Variants in PRMT2 observed in about 807,000 individuals in gnomAD.
PRMT2 encodes the protein protein arginine methyltransferase 2.
Under a neutral mutation model 57.6 loss-of-function variants are expected in PRMT2, and 26 were observed. That is an observed-to-expected ratio of 0.45 (90% CI 0.33 to 0.63). The LOEUF (loss-of-function observed/expected upper bound fraction) is 0.63, where lower values mean the gene tolerates loss of function less well. Among genes scored for constraint, PRMT2 ranks in the 20% least tolerant of loss-of-function variants. PRMT2 has a pLI of 0.02. For missense variants in PRMT2, 472 were observed against 564.4 expected (o/e 0.84, Z 1.66); for synonymous variants, 219 against 220.0 (o/e 1.00, Z 0.04).
Position 46,648,625 on chromosome 21 carries a change from T to C in PRMT2, c.489+6T>C. On this transcript the variant is annotated splice_donor_region_variant and intron_variant, in intron 6 of 11. Transcript: ENST00000355680. The surrounding 1 kb of genome is among the most constrained non-coding windows in gnomAD (Gnocchi z 4.8). Reference sequence around the variant, plus strand: ...ACTATGCGCGGCCTAGAGCGGTGAGTGGGGTCTCGAGCGCATCCCGGGTGT... The same window carrying C: ...ACTATGCGCGGCCTAGAGCGGTGAGCGGGGTCTCGAGCGCATCCCGGGTGT... 1.2e-6 allele frequency: 2 copies of C among 1,610,706 alleles called. No homozygotes were observed. The highest frequency in any genetic ancestry group is 1.7e-6 in the Non-Finnish European group (2 of 1,177,268).
chr21:46,657,187 G>C (rs1418222682), intron 7 of PRMT2: 1 of 152,142 alleles, frequency 6.6e-6, no homozygotes, highest in Non-Finnish European at 1.5e-5. Flanking sequence ...ATGAGGAACA[G>C]CTGAAAGTCA....
intron 7 of PRMT2, chr21:46,653,383 C>G (rs1415845825): frequency 2.0e-6 from 2 of 985,296 alleles, no homozygotes; most frequent in Non-Finnish European, 2.4e-6. Flanking sequence ...GCTGTTTGCA[C>G]ATATTTATAG....
chr21:46,661,837 C>G lies in PRMT2; in HGVS notation c.998C>G (p.Ala333Gly). Residue 333 changes from alanine (A) to glycine (G), a missense_variant, in exon 10 of 12, where the codon GCG (alanine) becomes GGG (glycine). Ala to Gly is a moderately conservative substitution (Grantham distance 60). Around this residue, in one of 2 missense-constraint regions of PRMT2, gnomAD observed 229 missense variants for 217.2 expected, o/e 1.05. Transcript: ENST00000355680. ...GAGCTGCGCTTCGACATCAGGAAGGCGGGGACCCTGCACGGCTTCACGGCC... is the reference window on the plus strand; with the variant it reads ...GAGCTGCGCTTCGACATCAGGAAGGGGGGGACCCTGCACGGCTTCACGGCC... Reference protein sequence around the residue: ...RGELRFDIRKAGTLHGFTAWF... With the variant: ...RGELRFDIRKGGTLHGFTAWF... The G allele has an allele frequency of 1.3e-6, 2 of 1,504,426 alleles. No homozygotes were observed. Among genetic ancestry groups the G allele is most frequent in the South Asian group, 1.3e-5 (1 of 78,794 alleles). The allele number at this position is 1,504,426 out of a possible 1,614,324, so 93.2% of individuals were successfully genotyped here. A position where few individuals can be genotyped will look rare whatever the true frequency, so the allele number is the denominator to read the frequency against.
chr21:46,654,802 C>A, intron 7 of PRMT2: 2 of 669,120 alleles, frequency 3.0e-6, no homozygotes, highest in Non-Finnish European at 3.7e-6. Flanking sequence ...GGGACTTTAG[C>A]ATCCAAGGAT....
chr21:46,637,338 A>G (rs1315269869), intron 3 of PRMT2, among the ~76,000 whole-genome samples: 1 of 152,230 alleles, frequency 6.6e-6, no homozygotes, highest in African/African-American at 2.4e-5. Flanking sequence ...GGCAAGTTGG[A>G]CACATTAGAA....
At chr21:46,641,116 C>T (rs2061265067) in intron 3 of PRMT2, among the ~76,000 whole-genome samples, 1 of 87,718 alleles carries the variant, frequency 1.1e-5, no homozygotes. Flanking sequence ...AGAGGGTGAC[C>T]TCATCTCAAA....
At chr21:46,650,650 G>A (rs2061435896) in intron 7 of PRMT2, among the ~76,000 whole-genome samples, 1 of 152,238 alleles carries the variant, frequency 6.6e-6, no homozygotes, top group Non-Finnish European at 1.5e-5. Context: ...CATTCAATAA[G>A]TATCTGTTGA....
intron 7 of PRMT2, among the ~76,000 whole-genome samples, chr21:46,655,498 A>G (rs149961314): frequency 1.3e-3 from 199 of 152,334 alleles, no homozygotes; most frequent in African/African-American, 4.7e-3. Flanking sequence ...ACAAAATTCA[A>G]CATCAGTTCA....
In PRMT2 at chr21:46,659,129, A is replaced by C; in HGVS notation, c.830+209A>C. The C allele has an allele frequency of 7.0e-6, 9 of 1,282,316 alleles. No homozygotes were observed. In the South Asian group the frequency reaches 2.3e-4, roughly 33 times the overall value. The allele number at this position is 1,282,316 out of a possible 1,614,324, so 79.4% of individuals were successfully genotyped here. A position where few individuals can be genotyped will look rare whatever the true frequency, so the allele number is the denominator to read the frequency against. ...AGATGGGCAGAGCAGGGTAGAATGC[A>C]AGGAACAAAAATTTTCGTATGTGAA... On this transcript the variant is annotated intron_variant, in intron 8 of 11. Transcript: ENST00000355680.
chr21:46,662,811 C>T (rs1379098560), intron 10 of PRMT2, among the ~76,000 whole-genome samples: 2 of 152,200 alleles, frequency 1.3e-5, no homozygotes, highest in African/African-American at 4.8e-5. Flanking sequence ...TAGCGTTTTA[C>T]TATTTCCCCC....
intron 7 of PRMT2, chr21:46,653,629 T>C (rs1325698472): frequency 1.7e-6 from 2 of 1,198,672 alleles, no homozygotes; most frequent in Non-Finnish European, 2.1e-6. Context: ...TCATGTTTTA[T>C]GCCTTGATAT....
In PRMT2 at chr21:46,639,201, A is replaced by C. The variant is rs143845481; in HGVS notation, c.39+2211A>C. ...TTTGCTTTGATTACATTGGTTAGAG[A>C]ACATAACATCCTCTATAATTTCAGT... is the stretch of plus-strand genomic sequence containing the variant. On this transcript the variant is annotated intron_variant, in intron 3 of 11. Coordinates refer to ENST00000355680, the MANE Select transcript of PRMT2 (RefSeq NM_206962.4). Among the ~76,000 whole-genome samples the C allele has an allele frequency of 2.1e-3, 327 of 152,320 alleles. 3 individuals are homozygous for C. Among genetic ancestry groups the C allele is most frequent in the Non-Finnish European group, 4.1e-3 (279 of 68,006 alleles).
rs544964183 is a variant in PRMT2, at chr21:46,643,750, G to A, written c.144+111G>A. On this transcript the variant is annotated intron_variant, in intron 4 of 11. Transcript: ENST00000355680. ...GTTAAATGAAGAGGTATTCAGATGC[G>A]TAGGGCCACACAAGACCTGTGTGTG... 1.2e-5 allele frequency: 15 copies of A among 1,302,782 alleles called. No individual in the cohort carries two copies. The South Asian group carries it at 1.3e-4, about 11-fold the overall frequency. 80.7% of individuals were successfully genotyped at this position (1,302,782 alleles called of 1,614,324 possible).
chr21:46,660,994 G>A (rs369245179), intron 9 of PRMT2, 32 bp downstream of exon 9: 2 of 1,598,200 alleles, frequency 1.3e-6, no homozygotes, highest in Non-Finnish European at 1.7e-6. Context: ...CCTTACATTC[G>A]ATAATCAGTG....
At chr21:46,658,611 C>T (rs2061573397) in intron 7 of PRMT2, 134 bp from the exon 8 acceptor site, 6 of 1,459,134 alleles carry the variant, frequency 4.1e-6, no homozygotes, top group Non-Finnish European at 5.5e-6. Context: ...GCATGGTACA[C>T]TGGCCTAGGC....
chr21:46,636,684 A>C, intron 2 of PRMT2, 137 bp downstream of exon 2: 1 of 473,878 alleles, frequency 2.1e-6, no homozygotes, highest in Non-Finnish European at 3.7e-6. Context: ...CACCTTGCAG[A>C]CTAGTGAAGA....
At position 46,661,952 on chromosome 21, in the gene PRMT2, G is replaced by C. The variant is rs1361419901; in HGVS notation, c.1097+16G>C. The C allele has an allele frequency of 1.6e-6, 2 of 1,275,844 alleles. No homozygotes were observed. The highest frequency in any genetic ancestry group is 1.6e-5 in the African/African-American group (1 of 63,272). 79.0% of individuals were successfully genotyped at this position (1,275,844 alleles called of 1,614,324 possible). On this transcript the variant is annotated intron_variant, in intron 10 of 11. Coordinates refer to ENST00000355680, the MANE Select transcript of PRMT2 (RefSeq NM_206962.4). ...CCTTCCACCCGTGAGTGTGCGGGGC[G>C]CGGGCACGGGGTGCGGGGTGGGGGG...
At chr21:46,639,708 TTGTG>T (rs538598625) in intron 3 of PRMT2, among the ~76,000 whole-genome samples, 26 of 149,086 alleles carry the variant, frequency 1.7e-4, no homozygotes, top group African/African-American at 5.7e-4. Context: ...GTGTGTGTGT[TTGTG>T]TGTGTGTGTG....
chr21:46,649,608 C>T lies in PRMT2; in HGVS notation c.523C>T (p.His175Tyr). The T allele has an allele frequency of 4.3e-6, 7 of 1,614,150 alleles. No homozygotes were observed. The highest frequency in any genetic ancestry group is 5.9e-6 in the Non-Finnish European group (7 of 1,180,042). Residue 175 changes from histidine (H) to tyrosine (Y), a missense_variant, in exon 7 of 12, where the codon CAC becomes TAC. His to Tyr is a moderately conservative substitution (Grantham distance 83). Coordinates refer to ENST00000355680, the MANE Select transcript of PRMT2 (RefSeq NM_206962.4). The surrounding 1 kb of genome is among the most constrained non-coding windows in gnomAD (Gnocchi z 4.8). ...YAVEASEMAQ[H>Y]TGQLVLQNGF... ...GGTGGAGGCCAGTGAGATGGCACAG[C>T]ACACGGGGCAGCTGGTCCTGCAGAA... is the stretch of plus-strand genomic sequence containing the variant.
Sources: gnomAD v4.1 joint callset for allele counts (sites outside exome capture counted in the v4.1 genomes callset) on GRCh38, gnomAD v4.1.1 for gene constraint, gnomAD v4.1.1 regional missense constraint, Gnocchi (gnomAD v3.1) non-coding constraint, MANE v1.5 for transcripts, NCBI Gene and HGNC (gene_info 2026-07-23, HGNC 2026-07-21) for gene names.